AHRR: variants seen among roughly 807,000 people sequenced by gnomAD.
AHRR encodes aryl hydrocarbon receptor repressor.
A neutral mutation model predicts 44.0 loss-of-function variants in AHRR; 28 were observed. That is an observed-to-expected ratio of 0.64 (90% CI 0.47 to 0.87). AHRR has a LOEUF of 0.87. Ranked by LOEUF, AHRR falls within the 40% of genes least tolerant of loss-of-function variation. The probability of loss-of-function intolerance (pLI) is 0.00; values close to 1 mark genes in which losing one functional copy is unlikely to be tolerated. For missense variants in AHRR, 990 were observed against 953.9 expected (o/e 1.04, Z -0.50); for synonymous variants, 434 against 407.0 (o/e 1.07, Z -0.80).
chr5:429,455 G>A (rs186300118), intron 8 of AHRR, among the ~76,000 whole-genome samples: 5 of 152,198 alleles, frequency 3.3e-5, no homozygotes, highest in South Asian at 2.1e-4. Context: ...GGGGCTGAGC[G>A]CAGGGCAGAG....
chr5:422,072 C>T (rs1242276153), intron 5 of AHRR, among the ~76,000 whole-genome samples: 1 of 152,092 alleles, frequency 6.6e-6, no homozygotes, highest in African/African-American at 2.4e-5. Flanking sequence ...AGGGAGAGGA[C>T]GGTGGGATGG....
chr5:348,468 G>A (rs1398403105), intron 2 of AHRR, among the ~76,000 whole-genome samples: 4 of 152,022 alleles, frequency 2.6e-5, no homozygotes, highest in African/African-American at 9.7e-5. Flanking sequence ...CACCAAAATC[G>A]AGAGGAAGCG....
Position 370,174 on chromosome 5 carries a change from C to T in AHRR, c.245-6436C>T, listed in dbSNP as rs1010062964. On this transcript the variant is annotated intron_variant, in intron 3 of 10. Transcript: ENST00000684583. This position sits in a 1 kb window ranked among gnomAD's most constrained non-coding sequence, Gnocchi z 4.5. ...CCTCCCGGGCCCTCGCTGGAAGCCCCGTCCTCCCGGGCCCTCGCTGGTGCC... is the reference window on the plus strand; with the variant it reads ...CCTCCCGGGCCCTCGCTGGAAGCCCTGTCCTCCCGGGCCCTCGCTGGTGCC... Among the ~76,000 whole-genome samples, 2 of 75,846 alleles carry T rather than the reference C, an allele frequency of 2.6e-5. No homozygotes were observed. Among genetic ancestry groups the T allele is most frequent in the South Asian group, 4.8e-4 (1 of 2,062 alleles). The allele number at this position is 75,846 out of a possible 152,430, so 49.8% of individuals were successfully genotyped here.
chr5:356,314 C>G (rs1743043853), intron 3 of AHRR, among the ~76,000 whole-genome samples: 1 of 152,202 alleles, frequency 6.6e-6, no homozygotes, highest in African/African-American at 2.4e-5. Context: ...GAACCCTGGT[C>G]ACAGCCTGGG....
rs1428777892 is a variant in AHRR, at chr5:406,017, A to G, written c.352-7327A>G. Among the ~76,000 whole-genome samples, 2 of 152,192 alleles carry G rather than the reference A, an allele frequency of 1.3e-5. No individual in the cohort carries two copies. The highest frequency in any genetic ancestry group is 4.8e-5 in the African/African-American group (2 of 41,432). On this transcript the variant is annotated intron_variant, in intron 4 of 10. Coordinates refer to ENST00000684583, the MANE Select transcript of AHRR (RefSeq NM_001377236.1). The surrounding 1 kb of genome is among the most constrained non-coding windows in gnomAD (Gnocchi z 4.7). ...CCCCACACCTGTGACACCCAACAAG[A>G]TAGACACAGATGTATGAAACGCTCT... is the stretch of plus-strand genomic sequence containing the variant.
Position 434,910 on chromosome 5 carries a change from G to A in AHRR, c.*76G>A. The A allele has an allele frequency of 6.8e-7, 1 of 1,479,684 alleles. No individual in the cohort carries two copies. Among genetic ancestry groups the A allele is most frequent in the East Asian group, 2.5e-5 (1 of 40,320 alleles). The allele number at this position is 1,479,684 out of a possible 1,614,324, so 91.7% of individuals were successfully genotyped here. On this transcript the variant is annotated 3_prime_UTR_variant, in exon 11 of 11. Transcript: ENST00000684583. ...TCGGTGGCTGGGCTGCCCTGCTCCT[G>A]GTCAGGCCGGAGCCCGTCCTAAGAC...
chr5:429,329 G>C (rs1464700584), intron 8 of AHRR, among the ~76,000 whole-genome samples: 2 of 152,002 alleles, frequency 1.3e-5, no homozygotes, highest in Non-Finnish European at 2.9e-5. Context: ...TAGGGCCGGG[G>C]CCGCCAGGAT....
chr5:397,085 C>T (rs1335698949), intron 4 of AHRR, among the ~76,000 whole-genome samples: 1,642 of 77,450 alleles, frequency 0.021, 7 homozygotes, highest in African/African-American at 0.033. Flanking sequence ...TGACCATCCA[C>T]GTAGCCCCTG....
chr5:356,290 GC>G (rs1159987440), intron 3 of AHRR, among the ~76,000 whole-genome samples: 1 of 152,188 alleles, frequency 6.6e-6, no homozygotes, highest in Non-Finnish European at 1.5e-5. Flanking sequence ...GGGGAGCTGG[GC>G]CCCTTCTAGG....
At chr5:363,304 G>T (rs1035220405) in intron 3 of AHRR, among the ~76,000 whole-genome samples, 1 of 152,226 alleles carries the variant, frequency 6.6e-6, no homozygotes, top group Non-Finnish European at 1.5e-5. Context: ...AGAGGGCTCT[G>T]GGGGCATTCT....
chr5:369,538 C>A lies in AHRR; in HGVS notation c.245-7072C>A, dbSNP rs369254008. 2.0e-5 allele frequency among the ~76,000 whole-genome samples: 3 copies of A among 152,276 alleles called. No individual in the cohort carries two copies. The East Asian group carries it at 5.8e-4, about 29-fold the overall frequency. On this transcript the variant is annotated intron_variant, in intron 3 of 10. Coordinates refer to ENST00000684583, the MANE Select transcript of AHRR (RefSeq NM_001377236.1). ...AGGCCTCCCGCTGCACGAGCCCGGG[C>A]TCCCTCTGTGTCACTTGCTTCGCTC...
chr5:376,591 G>C lies in AHRR; in HGVS notation c.245-19G>C. On this transcript the variant is annotated intron_variant, in intron 3 of 10. Coordinates refer to ENST00000684583, the MANE Select transcript of AHRR (RefSeq NM_001377236.1). Reference sequence around the variant, plus strand: ...GCCAAGGGTTGGGGGTGCCTAATGTGTCTTTTCTTCTCTGACAGTCGTGCA... The same window carrying C: ...GCCAAGGGTTGGGGGTGCCTAATGTCTCTTTTCTTCTCTGACAGTCGTGCA... 1.4e-6 allele frequency: 1 copy of C among 740,154 alleles called. No individual in the cohort carries two copies. Among genetic ancestry groups the C allele is most frequent in the Non-Finnish European group, 1.6e-6 (1 of 611,126 alleles). The allele number at this position is 740,154 out of a possible 1,614,324, so 45.8% of individuals were successfully genotyped here.
chr5:428,001 T>G lies in AHRR; in HGVS notation c.903T>G (p.Asp301Glu). The change falls in exon 8 of 11, where the codon GAT becomes GAG. Residue 301 changes from aspartate to glutamate, a missense_variant. Physicochemically the swap from Asp to Glu is conservative, Grantham distance 45 (BLOSUM62 2). Coordinates refer to ENST00000684583, the MANE Select transcript of AHRR (RefSeq NM_001377236.1). Reference protein sequence around the residue: ...KPRADTAATADAKVKATTSLC... With the variant: ...KPRADTAATAEAKVKATTSLC... ...GAGCAGACACCGCAGCCACCGCGGATGCAAAGTGAGTAAGACTCGCCCTTC... is the reference window on the plus strand; with the variant it reads ...GAGCAGACACCGCAGCCACCGCGGAGGCAAAGTGAGTAAGACTCGCCCTTC... 1 of 1,613,754 alleles carries G rather than the reference T, an allele frequency of 6.2e-7. No homozygotes were observed. Among genetic ancestry groups the G allele is most frequent in the Non-Finnish European group, 8.5e-7 (1 of 1,179,974 alleles).
chr5:434,269 T>C lies in AHRR; in HGVS notation c.1529T>C (p.Met510Thr). 1 of 1,604,278 alleles carries C rather than the reference T, an allele frequency of 6.2e-7. No homozygotes were observed. The highest frequency in any genetic ancestry group is 8.5e-7 in the Non-Finnish European group (1 of 1,175,130). ...FATRGYPMED[M>T]KLQGVPMPPG... ...ACGAGGGGCTATCCCATGGAGGACA[T>C]GAAGCTGCAAGGTGTACCGATGCCT... Residue 510 changes from methionine to threonine, a missense_variant, in exon 11 of 11, where the codon ATG becomes ACG. Transcript: ENST00000684583.
chr5:424,112 C>G, intron 7 of AHRR, 135 bp downstream of exon 7: 1 of 1,319,884 alleles, frequency 7.6e-7, no homozygotes, highest in East Asian at 2.5e-5. Flanking sequence ...GGGGCCGGTG[C>G]TGAGCTCTGT....
chr5:429,612 C>G (rs540733881), intron 8 of AHRR, among the ~76,000 whole-genome samples: 24 of 152,378 alleles, frequency 1.6e-4, no homozygotes, highest in Middle Eastern at 3.4e-3. Flanking sequence ...CCCTGGTAAC[C>G]AAGTGCAGCT....
chr5:363,958 A>G (rs1324345120), intron 3 of AHRR, among the ~76,000 whole-genome samples: 7 of 152,224 alleles, frequency 4.6e-5, no homozygotes, highest in African/African-American at 1.7e-4. Context: ...AAAGCTCCAT[A>G]TTAACATCCT....
rs1364201474 is a variant in AHRR, at chr5:434,658, G to C, written c.1918G>C (p.Gly640Arg). 3 of 1,566,304 alleles carry C rather than the reference G, an allele frequency of 1.9e-6. No homozygotes were observed. Among genetic ancestry groups the C allele is most frequent in the Non-Finnish European group, 2.6e-6 (3 of 1,155,500 alleles). ...PPHQLCARGR[G>R]EQSCTCRAAE... ...CCACCAGCTCTGTGCACGGGGCCGA[G>C]GTGAACAGTCCTGCACCTGCAGAGC... The change falls in exon 11 of 11, where the codon GGT (glycine) becomes CGT (arginine). Residue 640 changes from glycine (G) to arginine (R), a missense_variant. Gly to Arg is a moderately radical substitution (Grantham distance 125). Coordinates refer to ENST00000684583, the MANE Select transcript of AHRR (RefSeq NM_001377236.1).
intron 4 of AHRR, among the ~76,000 whole-genome samples, chr5:394,165 G>T (rs1438969396): frequency 6.6e-6 from 1 of 152,224 alleles, no homozygotes; most frequent in Non-Finnish European, 1.5e-5. Flanking sequence ...GGTGGCAGGA[G>T]GGAGGCCCTA....
Sources: gnomAD v4.1 joint callset for allele counts (sites outside exome capture counted in the v4.1 genomes callset) on GRCh38, gnomAD v4.1.1 for gene constraint, Gnocchi (gnomAD v3.1) non-coding constraint, MANE v1.5 for transcripts, NCBI Gene and HGNC (gene_info 2026-07-23, HGNC 2026-07-21) for gene names.